The following EFCAB11 variants were observed in gnomAD, a reference collection of about 807,000 sequenced individuals.
The protein encoded by EFCAB11 is EF-hand calcium binding domain 11.
EFCAB11 carries 14 observed loss-of-function variants against 23.0 expected under a neutral mutation model. The ratio of observed to expected loss-of-function variants is 0.61; its 90% CI spans 0.40 to 0.95. The LOEUF is 0.95. Among genes scored for constraint, EFCAB11 ranks in the 40% least tolerant of loss-of-function variants. The pLI is 0.00. For missense variants in EFCAB11, 198 were observed against 195.8 expected (o/e 1.01, Z -0.07); for synonymous variants, 65 against 66.6 (o/e 0.98, Z 0.11).
intron 5 of EFCAB11, among the ~76,000 whole-genome samples, chr14:89,818,411 A>C (rs1886400951): frequency 1.3e-5 from 2 of 152,212 alleles, no homozygotes; most frequent in South Asian, 2.1e-4. Context: ...AAGTAGAACT[A>C]CAAAAGAAAG....
At chr14:89,820,027 A>G (rs1394066741) in intron 5 of EFCAB11, among the ~76,000 whole-genome samples, 4 of 152,178 alleles carry the variant, frequency 2.6e-5, no homozygotes, top group Non-Finnish European at 5.9e-5. Context: ...CTGTTATTAA[A>G]CATAATACAT....
intron 5 of EFCAB11, among the ~76,000 whole-genome samples, chr14:89,879,754 C>T (rs911471126): frequency 1.3e-5 from 2 of 152,034 alleles, no homozygotes; most frequent in Non-Finnish European, 1.5e-5. Context: ...AATTTTTAAA[C>T]GAGGGTATGG....
chr14:89,921,303 T>C (rs1890016679), intron 5 of EFCAB11, among the ~76,000 whole-genome samples: 1 of 152,106 alleles, frequency 6.6e-6, no homozygotes, highest in Non-Finnish European at 1.5e-5. Flanking sequence ...GCCATTTCTG[T>C]CTATATGGCC....
chr14:89,896,616 T>C (rs1267543080), intron 5 of EFCAB11, among the ~76,000 whole-genome samples: 2 of 152,130 alleles, frequency 1.3e-5, no homozygotes, highest in African/African-American at 4.8e-5. Flanking sequence ...GACACAAAAG[T>C]GTTCATACAG....
At chr14:89,879,496 C>CA (rs544779789) in intron 5 of EFCAB11, among the ~76,000 whole-genome samples, 72 of 145,298 alleles carry the variant, frequency 5.0e-4, no homozygotes, top group Middle Eastern at 3.5e-3. Context: ...GTAAGCTACA[C>CA]AAAAAAAAAC....
chr14:89,887,728 C>G (rs188667763), intron 5 of EFCAB11, among the ~76,000 whole-genome samples: 60 of 152,202 alleles, frequency 3.9e-4, no homozygotes, highest in African/African-American at 1.4e-3. Flanking sequence ...TTCCTGGGAA[C>G]AGGTGTTATG....
rs397758240 is a variant in EFCAB11 at position 89,925,648 on chromosome 14, C to CTTTTTTTT, written c.410+5885_410+5892dup. Among the ~76,000 whole-genome samples the CTTTTTTTT allele has an allele frequency of 3.4e-3, 461 of 134,650 alleles. 4 individuals carry two copies. The highest frequency in any genetic ancestry group is 0.011 in the African/African-American group (397 of 35,596). 88.3% of individuals were successfully genotyped at this position (134,650 alleles called of 152,430 possible). On this transcript the variant is annotated intron_variant, in intron 5 of 5. Transcript: ENST00000316738. The stretch of plus-strand genomic sequence containing the variant: ...GAGGAATACAAAGTTATGTTTCTTT[C>CTTTTTTTT]TTTTTTTTTTTTTTTGAGATGGAGT...
chr14:89,914,383 C>T (rs980565773), intron 5 of EFCAB11, among the ~76,000 whole-genome samples: 38 of 152,242 alleles, frequency 2.5e-4, no homozygotes, highest in African/African-American at 9.1e-4. Context: ...TCAGCACATC[C>T]GTTATCTCAG....
chr14:89,866,427 C>T (rs1888093571), intron 5 of EFCAB11, among the ~76,000 whole-genome samples: 1 of 152,232 alleles, frequency 6.6e-6, no homozygotes, highest in Admixed American at 6.5e-5. Flanking sequence ...ATCCTCAAAA[C>T]GTGGCCCACG....
intron 5 of EFCAB11, among the ~76,000 whole-genome samples, chr14:89,920,619 C>G (rs546942327): frequency 2.6e-5 from 4 of 152,184 alleles, no homozygotes; most frequent in Non-Finnish European, 4.4e-5. Flanking sequence ...TGTGAGGATC[C>G]GTTCAGCACA....
intron 5 of EFCAB11, among the ~76,000 whole-genome samples, chr14:89,915,502 CTGTT>C (rs950531586): frequency 3.0e-4 from 45 of 152,322 alleles, no homozygotes; most frequent in Non-Finnish European, 5.9e-4. Context: ...GGCTCTCAAT[CTGTT>C]TGGTTCATTA....
chr14:89,896,113 C>T (rs59923723), intron 5 of EFCAB11, among the ~76,000 whole-genome samples: 18,661 of 152,216 alleles, frequency 0.12, 1,337 homozygotes, highest in South Asian at 0.24. Context: ...CGGCCGGGCG[C>T]GGTGGCTCAC....
intron 5 of EFCAB11, among the ~76,000 whole-genome samples, chr14:89,929,968 T>C (rs1287265759): frequency 6.6e-6 from 1 of 152,230 alleles, no homozygotes; most frequent in African/African-American, 2.4e-5. Flanking sequence ...CTGGTCTTTT[T>C]GTAAAAAGAA....
chr14:89,831,523 T>C (rs1296397092), intron 5 of EFCAB11, among the ~76,000 whole-genome samples: 1 of 152,224 alleles, frequency 6.6e-6, no homozygotes, highest in Non-Finnish European at 1.5e-5. Flanking sequence ...AGTTGCTGAA[T>C]GGTACGACAG....
At chr14:89,911,467 C>T (rs1889674634) in intron 5 of EFCAB11, among the ~76,000 whole-genome samples, 1 of 152,190 alleles carries the variant, frequency 6.6e-6, no homozygotes, top group African/African-American at 2.4e-5. Context: ...TAAAGGCAGC[C>T]CACTCCCTCC....
chr14:89,889,243 C>A (rs1197636387), intron 5 of EFCAB11, among the ~76,000 whole-genome samples: 1 of 152,088 alleles, frequency 6.6e-6, no homozygotes, highest in Non-Finnish European at 1.5e-5. Context: ...ACATCTTATT[C>A]ATGAGGTGAG....
chr14:89,941,730 T>G (rs993869976), intron 3 of EFCAB11, among the ~76,000 whole-genome samples: 21 of 151,764 alleles, frequency 1.4e-4, no homozygotes, highest in African/African-American at 4.8e-4. Flanking sequence ...TTTTTTAACT[T>G]CTAAAATGGG....
At chr14:89,810,826 A>C (rs548348563) in intron 5 of EFCAB11, among the ~76,000 whole-genome samples, 1 of 151,936 alleles carries the variant, frequency 6.6e-6, no homozygotes, top group East Asian at 1.9e-4. Context: ...CTAAGAGCCC[A>C]CTATGGTCCA....
At chr14:89,819,786 G>A (rs7141003) in intron 5 of EFCAB11, among the ~76,000 whole-genome samples, 40,974 of 151,860 alleles carry the variant, frequency 0.27, 6,348 homozygotes, top group East Asian at 0.57. Flanking sequence ...TGACTGTAGT[G>A]ATATTTCATG....
Sources: allele counts gnomAD v4.1 joint callset (sites outside exome capture counted in the v4.1 genomes callset), GRCh38; gene constraint gnomAD v4.1.1; transcripts MANE v1.5; gene names NCBI Gene and HGNC (gene_info 2026-07-23, HGNC 2026-07-21).